The following MTREX variants were observed in gnomAD, a reference collection of about 807,000 sequenced individuals.
MTREX encodes exosome RNA helicase MTR4.
Under a neutral mutation model 135.4 loss-of-function variants are expected in MTREX, and 76 were observed. The observed-to-expected ratio is 0.56, with a 90% CI of 0.47 to 0.68. The LOEUF is 0.68. Among genes scored for constraint, MTREX ranks in the 30% least tolerant of loss-of-function variants. MTREX has a pLI of 0.00. For synonymous variants in MTREX, 404 were observed against 401.6 expected (o/e 1.01, Z -0.07); for missense variants, 920 against 1,262.1 (o/e 0.73, Z 4.11).
In MTREX at chr5:55,358,709, T is replaced by G; in HGVS notation, c.1659+11T>G. The G allele has an allele frequency of 6.3e-7, 1 of 1,580,842 alleles. No homozygotes were observed. Among genetic ancestry groups the G allele is most frequent in the Non-Finnish European group, 8.5e-7 (1 of 1,170,256 alleles). ...AAACAATTACTTAAGGTAACTACAT[T>G]AAGATTGTGTACCTTTACCAAGAAT... On this transcript the variant is annotated intron_variant, in intron 15 of 26. Transcript: ENST00000230640.
At chr5:55,390,185 C>T (rs1035416029) in intron 19 of MTREX, among the ~76,000 whole-genome samples, 1 of 152,272 alleles carries the variant, frequency 6.6e-6, no homozygotes, top group Non-Finnish European at 1.5e-5. Context: ...TCACTACCAC[C>T]TCTGCCTCCT....
chr5:55,342,438 T>C (rs1231565100), intron 7 of MTREX, among the ~76,000 whole-genome samples: 3 of 152,194 alleles, frequency 2.0e-5, no homozygotes, highest in Non-Finnish European at 4.4e-5. Flanking sequence ...GTTCAGTAAC[T>C]ATGAAATATG....
Position 55,345,124 on chromosome 5 carries a change from G to A in MTREX, c.1036G>A (p.Ala346Thr), listed in dbSNP as rs35643285. The A allele has an allele frequency of 2.5e-6, 4 of 1,613,220 alleles. No homozygotes were observed. The highest frequency in any genetic ancestry group is 2.7e-5 in the African/African-American group (2 of 74,870). The change falls in exon 10 of 27, where the codon GCA becomes ACA. Residue 346 changes from alanine to threonine, a missense_variant. Physicochemically the swap from Ala to Thr is moderately conservative, Grantham distance 58. Around this residue, in one of 6 missense-constraint regions of MTREX, gnomAD observed 88 missense variants for 202.5 expected, o/e 0.43. Coordinates refer to ENST00000230640, the MANE Select transcript of MTREX (RefSeq NM_015360.5). ...CTTCAGAGAAGATAATTTTAATACT[G>A]CAATGCAAGTGCTTCGAGATGCAGG... is the stretch of plus-strand genomic sequence containing the variant. ...GDFREDNFNTAMQVLRDAGDL... is the reference protein window; with the variant it reads ...GDFREDNFNTTMQVLRDAGDL...
At chr5:55,322,266 A>T in intron 1 of MTREX, 61 bp from the exon 2 acceptor site, 1 of 1,429,266 alleles carries the variant, frequency 7.0e-7, no homozygotes, top group Non-Finnish European at 9.5e-7. Context: ...GTATTTTATG[A>T]TGTTGCCCTT....
chr5:55,347,575 T>G (rs1749758954), intron 11 of MTREX, among the ~76,000 whole-genome samples: 1 of 152,202 alleles, frequency 6.6e-6, no homozygotes, highest in Non-Finnish European at 1.5e-5. Flanking sequence ...ATTTTGTAAT[T>G]CTCAATCAAA....
chr5:55,415,984 A>G lies in MTREX; in HGVS notation c.2823A>G (p.Arg941=). Residue 941 remains arginine, a synonymous_variant, in exon 25 of 27, where the codon AGA becomes AGG. Coordinates refer to ENST00000230640, the MANE Select transcript of MTREX (RefSeq NM_015360.5). ...TATCTTTAAAGGAATGTGCTAAAAG[A>G]ATTGCAAAAGTTTCAGCAGAAGCCA... is the stretch of plus-strand genomic sequence containing the variant. The part of the protein sequence containing the change: ...PLRQMQECAK[R]IAKVSAEAKL... 2 of 1,591,978 alleles carry G rather than the reference A, an allele frequency of 1.3e-6. No homozygotes were observed. Among genetic ancestry groups the G allele is most frequent in the Non-Finnish European group, 1.7e-6 (2 of 1,172,924 alleles).
intron 25 of MTREX, among the ~76,000 whole-genome samples, chr5:55,420,751 G>C (rs552231937): frequency 4.4e-4 from 67 of 152,184 alleles, no homozygotes; most frequent in African/African-American, 1.4e-3. Context: ...GGTTTTTTGG[G>C]GGTGGTAAAA....
intron 16 of MTREX, among the ~76,000 whole-genome samples, chr5:55,370,815 A>G (rs1269484431): frequency 6.6e-6 from 1 of 152,188 alleles, no homozygotes; most frequent in African/African-American, 2.4e-5. Context: ...TGTTGCAGAT[A>G]CTACTAGAGC....
intron 5 of MTREX, among the ~76,000 whole-genome samples, chr5:55,332,177 C>T (rs1164488647): frequency 6.6e-5 from 10 of 152,156 alleles, no homozygotes; most frequent in Admixed American, 6.5e-4. Flanking sequence ...TTAACAAGAT[C>T]ACCAGGTGAT....
chr5:55,346,711 C>T (rs1749746006), intron 10 of MTREX, among the ~76,000 whole-genome samples: 1 of 151,988 alleles, frequency 6.6e-6, no homozygotes, highest in Non-Finnish European at 1.5e-5. Flanking sequence ...GGATACTAGA[C>T]CCTTATCAGA....
chr5:55,329,016 A>G (rs929551008), intron 5 of MTREX, among the ~76,000 whole-genome samples: 21 of 152,208 alleles, frequency 1.4e-4, no homozygotes, highest in African/African-American at 4.6e-4. Context: ...ATATTAGGAG[A>G]AAAACACTCA....
At chr5:55,358,497 TA>T in intron 14 of MTREX, 75 bp from the exon 15 acceptor site, 1 of 1,258,762 alleles carries the variant, frequency 7.9e-7, no homozygotes, top group Non-Finnish European at 1.1e-6. Flanking sequence ...ATAAATTTTA[TA>T]AAAAGAGAAA....
intron 5 of MTREX, among the ~76,000 whole-genome samples, chr5:55,338,040 T>A (rs1370775957): frequency 6.6e-6 from 1 of 152,182 alleles, no homozygotes. Context: ...TTCAACTACA[T>A]ATGCTATAAA....
intron 1 of MTREX, among the ~76,000 whole-genome samples, chr5:55,308,798 T>A (rs1749035980): frequency 6.6e-6 from 1 of 152,236 alleles, no homozygotes; most frequent in South Asian, 2.1e-4. Context: ...TGTACAGATC[T>A]GTTTATAGTA....
chr5:55,322,501 A>G, intron 2 of MTREX, 37 bp downstream of exon 2: 1 of 1,490,068 alleles, frequency 6.7e-7, no homozygotes, highest in Non-Finnish European at 9.0e-7. Flanking sequence ...AGTAACTCAT[A>G]ATTCAGGTGG....
chr5:55,320,827 G>C (rs1749276981), intron 1 of MTREX, among the ~76,000 whole-genome samples: 1 of 152,086 alleles, frequency 6.6e-6, no homozygotes, highest in South Asian at 2.1e-4. Flanking sequence ...GGGATCAGAG[G>C]GGCAAAGTCA....
chr5:55,343,297 A>G, intron 7 of MTREX, 34 bp from the exon 8 acceptor site: 5 of 1,568,172 alleles, frequency 3.2e-6, no homozygotes, highest in Non-Finnish European at 2.6e-6. Context: ...CTGTAGTCCA[A>G]CTATAGTCCA....
At chr5:55,421,310 A>G (rs890425073) in intron 25 of MTREX, among the ~76,000 whole-genome samples, 4 of 152,202 alleles carry the variant, frequency 2.6e-5, no homozygotes, top group African/African-American at 9.6e-5. Flanking sequence ...AGTAGCCTCT[A>G]TGTTTCAGGC....
intron 22 of MTREX, among the ~76,000 whole-genome samples, chr5:55,409,045 GGGC>G (rs1163454360): frequency 6.6e-6 from 1 of 151,952 alleles, no homozygotes; most frequent in Non-Finnish European, 1.5e-5. Flanking sequence ...TTGACCTCCT[GGGC>G]TTAAGTGATC....
Sources: gnomAD v4.1 joint callset for allele counts (sites outside exome capture counted in the v4.1 genomes callset) on GRCh38, gnomAD v4.1.1 for gene constraint, gnomAD v4.1.1 regional missense constraint, MANE v1.5 for transcripts, NCBI Gene and HGNC (gene_info 2026-07-23, HGNC 2026-07-21) for gene names.